The following CYP2W1 variants were observed in gnomAD, a reference collection of about 807,000 sequenced individuals.
CYP2W1 encodes the protein cytochrome P450 family 2 subfamily W member 1.
Under a neutral mutation model 44.9 loss-of-function variants are expected in CYP2W1, and 51 were observed. The ratio of observed to expected loss-of-function variants is 1.14; its 90% CI spans 0.91 to 1.43. CYP2W1 has a LOEUF of 1.43. Ranked by LOEUF, CYP2W1 falls within the 40% of genes most tolerant of loss-of-function variation. CYP2W1 has a pLI of 0.00. For missense variants in CYP2W1, 746 were observed against 700.0 expected (o/e 1.07, Z -0.74); for synonymous variants, 383 against 338.3 (o/e 1.13, Z -1.45).
Position 986,781 on chromosome 7 carries a change from T to G in CYP2W1, c.803T>G (p.Leu268Arg). Residue 268 changes from leucine to arginine, a missense_variant, in exon 5 of 9, where the codon CTG becomes CGG. Leu to Arg is a moderately radical substitution (Grantham distance 102). Coordinates refer to ENST00000308919, the MANE Select transcript of CYP2W1 (RefSeq NM_017781.3). ...CCCGTGTGCAGCTATGTGGACGCCC[T>G]GATCCAGCAGGGACAGGTGTGTCGG... ...GDPVCSYVDA[L>R]IQQGQGDDPE... is the part of the protein sequence containing the mutation. 1 of 1,579,158 alleles carries G rather than the reference T, an allele frequency of 6.3e-7. No homozygotes were observed. The highest frequency in any genetic ancestry group is 8.6e-7 in the Non-Finnish European group (1 of 1,162,028).
intron 8 of CYP2W1, 36 bp from the exon 9 acceptor site, chr7:988,599 G>A: frequency 6.2e-7 from 1 of 1,601,736 alleles, no homozygotes; most frequent in Non-Finnish European, 8.5e-7. Flanking sequence ...GAGCAGGCCT[G>A]GTGCAGCCCA....
intron 2 of CYP2W1, among the ~76,000 whole-genome samples, 162 bp from the exon 3 acceptor site, chr7:984,783 CCAAGT>C (rs1848197579): frequency 6.6e-6 from 1 of 152,288 alleles, no homozygotes; most frequent in South Asian, 2.1e-4. Flanking sequence ...TCTTTTCATC[CCAAGT>C]CAAGAGGGGC....
chr7:987,944 C>CCTGTGTCCTGGGGGTCCCCT (rs1848508202), intron 7 of CYP2W1, among the ~76,000 whole-genome samples: 1 of 125,312 alleles, frequency 8.0e-6, no homozygotes, highest in African/African-American at 3.6e-5. Context: ...GGGGGGGTCC[C>CCTGTGTCCTGGGGGTCCCCT]CTGTGTGTCC....
In CYP2W1 at chr7:985,189, C is replaced by T. The variant is rs1381262504; in HGVS notation, c.511C>T (p.Leu171=). The change falls in exon 4 of 9, where the codon CTG becomes TTG. Residue 171 remains leucine, a synonymous_variant. Coordinates refer to ENST00000308919, the MANE Select transcript of CYP2W1 (RefSeq NM_017781.3). The part of the protein sequence containing the change: ...YRGRPFPLAL[L]GWAPSNITFA... ...AGGCCGGCCCTTCCCGCTGGCCCTACTGGGCTGGGCTCCCTCCAATATCAC... is the reference window on the plus strand; with the variant it reads ...AGGCCGGCCCTTCCCGCTGGCCCTATTGGGCTGGGCTCCCTCCAATATCAC... 6.4e-7 allele frequency: 1 copy of T among 1,569,084 alleles called. No individual in the cohort carries two copies. The highest frequency in any genetic ancestry group is 1.2e-5 in the South Asian group (1 of 86,340).
In CYP2W1 at chr7:985,424, G is replaced by C. The variant is rs549155270; in HGVS notation, c.645+101G>C. The C allele has an allele frequency of 2.7e-4, 351 of 1,312,872 alleles. 2 individuals carry two copies. In the South Asian group the frequency reaches 4.3e-3, roughly 16 times the overall value. The allele number at this position is 1,312,872 out of a possible 1,614,324, so 81.3% of individuals were successfully genotyped here. On this transcript the variant is annotated intron_variant, in intron 4 of 8. Transcript: ENST00000308919. ...CAGTGCTGTCCCCTCTCAGCTTCTC[G>C]GCCCTCCCACCTTGCAAAAGGAATC...
rs1562957061 is a variant in CYP2W1 at position 988,437 on chromosome 7, CG to C, written c.1285+23del. ...TCTGCAGGTCAGCAGCCCTCGGGGCCGGGGTGGGGCGGCACCTCCAGGGCTC... is the reference window on the plus strand; with the variant it reads ...TCTGCAGGTCAGCAGCCCTCGGGGCCGGGTGGGGCGGCACCTCCAGGGCTC... On this transcript the variant is annotated intron_variant, in intron 8 of 8. Coordinates refer to ENST00000308919, the MANE Select transcript of CYP2W1 (RefSeq NM_017781.3). 8 of 1,611,696 alleles carry C rather than the reference CG, an allele frequency of 5.0e-6. No homozygotes were observed. Among genetic ancestry groups the C allele is most frequent in the Non-Finnish European group, 6.8e-6 (8 of 1,179,588 alleles).
At chr7:986,526 C>T in intron 4 of CYP2W1, 98 bp from the exon 5 acceptor site, 1 of 1,414,752 alleles carries the variant, frequency 7.1e-7, no homozygotes, top group Non-Finnish European at 9.8e-7. Flanking sequence ...ACCCAGAGTC[C>T]CTGGGCGTGA....
chr7:986,986 T>A (rs1848403218), intron 5 of CYP2W1, 121 bp from the exon 6 acceptor site: 1 of 1,376,256 alleles, frequency 7.3e-7, no homozygotes, highest in East Asian at 2.6e-5. Flanking sequence ...TCGGGGACGC[T>A]GAGGGATGGC....
rs1382783582 is a variant in CYP2W1, at chr7:984,935, T to C, written c.338-15T>C. 5 of 1,582,154 alleles carry C rather than the reference T, an allele frequency of 3.2e-6. No homozygotes were observed. In the East Asian group the frequency reaches 6.7e-5, roughly 21 times the overall value. On this transcript the variant is annotated splice_polypyrimidine_tract_variant and intron_variant, in intron 2 of 8. Transcript: ENST00000308919. ...GTGGGAACCTGGGCTCACCACGCAC[T>C]GTATCTGCCTACAGGCATCTTCTTC...
Position 987,350 on chromosome 7 carries a change from G to C in CYP2W1, c.962G>C (p.Arg321Pro). 6.3e-7 allele frequency: 1 copy of C among 1,576,288 alleles called. No homozygotes were observed. Among genetic ancestry groups the C allele is most frequent in the Non-Finnish European group, 8.6e-7 (1 of 1,164,406 alleles). The change falls in exon 7 of 9, where the codon CGG becomes CCG. Residue 321 changes from arginine (R) to proline (P), a missense_variant. Transcript: ENST00000308919. ...LMGRHPDVQG[R>P]VQEELDRVLG... The stretch of plus-strand genomic sequence containing the variant: ...AGCGGCCCACCCTTTGCCCCAGGCC[G>C]GGTGCAGGAGGAGCTAGACCGCGTG...
At position 987,335 on chromosome 7, in the gene CYP2W1, C is replaced by G. The variant is rs766335746; in HGVS notation, c.959-12C>G. 6.4e-7 allele frequency: 1 copy of G among 1,567,004 alleles called. No homozygotes were observed. Among genetic ancestry groups the G allele is most frequent in the South Asian group, 1.1e-5 (1 of 87,630 alleles). The stretch of plus-strand genomic sequence containing the variant: ...TGGCGCTGCCACCCAAGCGGCCCAC[C>G]CTTTGCCCCAGGCCGGGTGCAGGAG... On this transcript the variant is annotated splice_polypyrimidine_tract_variant and intron_variant, in intron 6 of 8. Transcript: ENST00000308919.
chr7:987,397 C>A lies in CYP2W1; in HGVS notation c.1009C>A (p.Arg337=), dbSNP rs200372185. ...CGTGCTGGGCCCTGGGCGGACTCCC[C>A]GGCTGGAGGACCAGCAGGCTCTGCC... The part of the protein sequence containing the change: ...DRVLGPGRTP[R]LEDQQALPYT... The change falls in exon 7 of 9, where the codon CGG becomes AGG. Residue 337 remains arginine (R), a synonymous_variant. Transcript: ENST00000308919. 6.3e-7 allele frequency: 1 copy of A among 1,594,946 alleles called. No homozygotes were observed.
rs1341222783 is a variant in CYP2W1 at position 986,765 on chromosome 7, A to T, written c.787A>T (p.Ser263Cys). The change falls in exon 5 of 9, where the codon AGC becomes TGC. Residue 263 changes from serine (S) to cysteine (C), a missense_variant. Coordinates refer to ENST00000308919, the MANE Select transcript of CYP2W1 (RefSeq NM_017781.3). ...CGTGTGCCCGGGGGACCCCGTGTGCAGCTATGTGGACGCCCTGATCCAGCA... is the reference window on the plus strand; with the variant it reads ...CGTGTGCCCGGGGGACCCCGTGTGCTGCTATGTGGACGCCCTGATCCAGCA... The part of the protein sequence containing the change: ...PHVCPGDPVC[S>C]YVDALIQQGQ... The T allele has an allele frequency of 2.5e-6, 4 of 1,597,242 alleles. No homozygotes were observed. In the African/African-American group the frequency reaches 5.4e-5, roughly 21 times the overall value.
intron 4 of CYP2W1, chr7:986,368 C>T (rs1848344276): frequency 1.8e-6 from 1 of 548,348 alleles, no homozygotes; most frequent in South Asian, 2.1e-5. Flanking sequence ...TGCCTCCCTC[C>T]TCCCTCTCCA....
Position 985,262 on chromosome 7 carries a change from T to C in CYP2W1, c.584T>C (p.Phe195Ser). The C allele has an allele frequency of 6.4e-7, 1 of 1,551,920 alleles. No homozygotes were observed. Among genetic ancestry groups the C allele is most frequent in the Non-Finnish European group, 8.7e-7 (1 of 1,147,464 alleles). ...GRRFDYRDPV[F>S]VSLLGLIDEV... ...CGATTTGACTACCGGGACCCCGTGT[T>C]TGTGTCCCTGCTGGGTCTCATCGAT... The change falls in exon 4 of 9, where the codon TTT (phenylalanine) becomes TCT (serine). Residue 195 changes from phenylalanine to serine, a missense_variant. Phe to Ser is a radical substitution (Grantham distance 155, BLOSUM62 -2). Coordinates refer to ENST00000308919, the MANE Select transcript of CYP2W1 (RefSeq NM_017781.3).
At chr7:987,606 G>T in intron 7 of CYP2W1, 75 bp downstream of exon 7, 2 of 1,361,558 alleles carry the variant, frequency 1.5e-6, no homozygotes, top group East Asian at 5.1e-5. Context: ...GCACTGGGAC[G>T]GCTGAGCGTC....
chr7:987,270 C>G, intron 6 of CYP2W1, 25 bp downstream of exon 6: 1 of 1,504,304 alleles, frequency 6.6e-7, no homozygotes, highest in Non-Finnish European at 8.9e-7. Context: ...CCTGGCGAGA[C>G]GGCTCCTTCT....
Position 988,261 on chromosome 7 carries a change from C to T in CYP2W1, c.1144-16C>T, listed in dbSNP as rs1413253060. 6.4e-7 allele frequency: 1 copy of T among 1,563,348 alleles called. No homozygotes were observed. The highest frequency in any genetic ancestry group is 8.7e-7 in the Non-Finnish European group (1 of 1,151,242). On this transcript the variant is annotated splice_polypyrimidine_tract_variant and intron_variant, in intron 7 of 8. Transcript: ENST00000308919. ...TCCCCGGGGCCCCTCTCTCTGTGCCCCGGCTGCCCCCACAGGGCACGCCCG... is the reference window on the plus strand; with the variant it reads ...TCCCCGGGGCCCCTCTCTCTGTGCCTCGGCTGCCCCCACAGGGCACGCCCG...
Position 985,227 on chromosome 7 carries a change from C to G in CYP2W1, c.549C>G (p.Leu183=), listed in dbSNP as rs967977027. The G allele has an allele frequency of 6.4e-7, 1 of 1,553,420 alleles. No individual in the cohort carries two copies. Among genetic ancestry groups the G allele is most frequent in the African/African-American group, 1.4e-5 (1 of 73,306 alleles). The change falls in exon 4 of 9, where the codon CTC becomes CTG. Residue 183 remains leucine, a synonymous_variant. Coordinates refer to ENST00000308919, the MANE Select transcript of CYP2W1 (RefSeq NM_017781.3). The part of the protein sequence containing the change: ...WAPSNITFAL[L]FGRRFDYRDP... The stretch of plus-strand genomic sequence containing the variant: ...CCTCCAATATCACCTTCGCGCTCCT[C>G]TTCGGCCGCCGATTTGACTACCGGG...
Sources: allele counts gnomAD v4.1 joint callset (sites outside exome capture counted in the v4.1 genomes callset), GRCh38; gene constraint gnomAD v4.1.1; transcripts MANE v1.5; gene names NCBI Gene and HGNC (gene_info 2026-07-23, HGNC 2026-07-21).